NPSR1: variants seen among roughly 807,000 people sequenced by gnomAD.
NPSR1 encodes the protein neuropeptide S receptor.
Under a neutral mutation model 46.9 loss-of-function variants are expected in NPSR1, and 48 were observed. The ratio of observed to expected loss-of-function variants is 1.02; its 90% CI spans 0.81 to 1.30. The LOEUF (loss-of-function observed/expected upper bound fraction) is 1.30. NPSR1 is among the 50% of genes most tolerant of loss of function. The pLI, the probability that NPSR1 is intolerant of heterozygous loss-of-function variation, is 0.00. For synonymous variants in NPSR1, 176 were observed against 168.1 expected, an observed-to-expected ratio of 1.05 and a Z score of -0.36; for missense variants, 450 against 449.5, an observed-to-expected ratio of 1.00 and a Z score of -0.01.
chr7:34,725,900 T>C (rs2108737), intron 2 of NPSR1, among the ~76,000 whole-genome samples: 46,234 of 152,052 alleles, frequency 0.3, 7,527 homozygotes, highest in East Asian at 0.44. Flanking sequence ...TGGTAGTGAA[T>C]AGGTCTCACG....
At chr7:34,674,467 A>G (rs1168590058) in intron 1 of NPSR1, among the ~76,000 whole-genome samples, 1 of 152,204 alleles carries the variant, frequency 6.6e-6, no homozygotes, top group Non-Finnish European at 1.5e-5. Flanking sequence ...TGAGGCTTTG[A>G]GTAGGCCTCA....
At chr7:34,868,340 A>G (rs1285382990) in intron 8 of NPSR1, among the ~76,000 whole-genome samples, 1 of 151,696 alleles carries the variant, frequency 6.6e-6, no homozygotes, top group Non-Finnish European at 1.5e-5. Context: ...CGCCTGGCCT[A>G]TTAGTCTCTC....
chr7:34,835,056 C>T (rs921619875), intron 6 of NPSR1, among the ~76,000 whole-genome samples: 15 of 152,286 alleles, frequency 9.8e-5, no homozygotes, highest in African/African-American at 3.6e-4. Flanking sequence ...GACTCTGAGC[C>T]CTGGAAGCCT....
chr7:34,790,186 A>T (rs984259461), intron 3 of NPSR1, among the ~76,000 whole-genome samples: 1 of 152,144 alleles, frequency 6.6e-6, no homozygotes, highest in Non-Finnish European at 1.5e-5. Flanking sequence ...ATTAAGTGTA[A>T]TTTATTCCTG....
intron 2 of NPSR1, among the ~76,000 whole-genome samples, chr7:34,708,829 G>A (rs986464244): frequency 1.3e-5 from 2 of 152,200 alleles, no homozygotes. Flanking sequence ...AATTGCAATT[G>A]TGTTTCCCTC....
intron 1 of NPSR1, among the ~76,000 whole-genome samples, chr7:34,683,716 T>C (rs1466335505): frequency 1.3e-5 from 2 of 152,042 alleles, no homozygotes; most frequent in Non-Finnish European, 2.9e-5. Context: ...ACTGAACTCA[T>C]TCCTTTATCA....
At chr7:34,690,067 C>G (rs1793170027) in intron 2 of NPSR1, among the ~76,000 whole-genome samples, 1 of 151,996 alleles carries the variant, frequency 6.6e-6, no homozygotes, top group Non-Finnish European at 1.5e-5. Flanking sequence ...AGGCAGTGAG[C>G]CTCCTCACAT....
chr7:34,677,455 C>A (rs1335393155), intron 1 of NPSR1, among the ~76,000 whole-genome samples: 1 of 152,200 alleles, frequency 6.6e-6, no homozygotes, highest in East Asian at 1.9e-4. Flanking sequence ...TGCAAAACTA[C>A]CCTGAGTTCA....
At chr7:34,676,783 C>A (rs1289597519) in intron 1 of NPSR1, among the ~76,000 whole-genome samples, 1 of 152,036 alleles carries the variant, frequency 6.6e-6, no homozygotes, top group Non-Finnish European at 1.5e-5. Flanking sequence ...CTTAGGAAGA[C>A]CCCAAAAGCA....
At chr7:34,725,535 C>T (rs548926193) in intron 2 of NPSR1, among the ~76,000 whole-genome samples, 4 of 152,288 alleles carry the variant, frequency 2.6e-5, no homozygotes, top group African/African-American at 9.6e-5. Context: ...TTAACGCATC[C>T]CAGAGCCTGT....
chr7:34,875,418 G>C (rs2128771158), intron 8 of NPSR1, among the ~76,000 whole-genome samples: 1 of 152,334 alleles, frequency 6.6e-6, no homozygotes, highest in Middle Eastern at 3.4e-3. Flanking sequence ...CTTCCAGAGA[G>C]TTTAGCTGCT....
chr7:34,819,038 G>A (rs1789409344), intron 4 of NPSR1, among the ~76,000 whole-genome samples: 1 of 152,082 alleles, frequency 6.6e-6, no homozygotes, highest in African/African-American at 2.4e-5. Flanking sequence ...AACACCAAAA[G>A]CAATGGCAAC....
chr7:34,663,081 G>GTGTGTGTT (rs1554301939), intron 1 of NPSR1, among the ~76,000 whole-genome samples: 6 of 76,288 alleles, frequency 7.9e-5, no homozygotes, highest in South Asian at 5.3e-4. Context: ...GTGTGTGTGT[G>GTGTGTGTT]TATGTGTGTG....
At chr7:34,677,372 C>G (rs2128678622) in intron 1 of NPSR1, among the ~76,000 whole-genome samples, 1 of 152,256 alleles carries the variant, frequency 6.6e-6, no homozygotes, top group South Asian at 2.1e-4. Flanking sequence ...GAAACATGGC[C>G]TGCCTGTATT....
At chr7:34,831,948 G>A (rs1313576162) in intron 5 of NPSR1, among the ~76,000 whole-genome samples, 1 of 152,180 alleles carries the variant, frequency 6.6e-6, no homozygotes, top group Non-Finnish European at 1.5e-5. Flanking sequence ...ATCACATTGT[G>A]GGAAAGCCCC....
At chr7:34,658,628 A>G (rs1430893104) in intron 1 of NPSR1, 69 bp downstream of exon 1, 2 of 1,455,672 alleles carry the variant, frequency 1.4e-6, no homozygotes. Context: ...TAAGAGTGTC[A>G]ATTGAAGTAT....
intron 2 of NPSR1, among the ~76,000 whole-genome samples, chr7:34,691,321 G>A (rs1360321149): frequency 6.6e-6 from 1 of 152,054 alleles, no homozygotes; most frequent in Non-Finnish European, 1.5e-5. Context: ...CAACACAATT[G>A]AAACTCCAAG....
At chr7:34,749,529 T>C (rs1785396725) in intron 2 of NPSR1, among the ~76,000 whole-genome samples, 2 of 152,126 alleles carry the variant, frequency 1.3e-5, no homozygotes, top group African/African-American at 4.8e-5. Flanking sequence ...TTGCCCAAAG[T>C]CACAAAGCAA....
chr7:34,782,270 C>T (rs1312224587), intron 3 of NPSR1, among the ~76,000 whole-genome samples: 2 of 152,160 alleles, frequency 1.3e-5, no homozygotes, highest in Non-Finnish European at 2.9e-5. Flanking sequence ...TTCATGGCTA[C>T]TCCATGAGTG....
Sources: gnomAD v4.1 joint callset for allele counts (sites outside exome capture counted in the v4.1 genomes callset) on GRCh38, gnomAD v4.1.1 for gene constraint, MANE v1.5 for transcripts, NCBI Gene and HGNC (gene_info 2026-07-23, HGNC 2026-07-21) for gene names.